MYH16: variants seen among roughly 807,000 people sequenced by gnomAD.
The protein encoded by MYH16 is myosin heavy chain 16, also known as putative uncharacterized protein MYH16.
Position 99,283,564 on chromosome 7 carries a change from G to T in MYH16, n.2993-1G>T, listed in dbSNP as rs1247287081. 10 of 455,876 alleles carry T rather than the reference G, an allele frequency of 2.2e-5. No homozygotes were observed. The highest frequency in any genetic ancestry group is 1.5e-4 in the South Asian group (10 of 64,538). 28.2% of individuals were successfully genotyped at this position (455,876 alleles called of 1,614,324 possible). A position where few individuals can be genotyped will look rare whatever the true frequency, so the allele number is the denominator to read the frequency against. ...ACTCACGTGTGTATCTGTCCTTCCA[G>T]AAAACCCTGGACGACCTACAGGCTG... is the stretch of plus-strand genomic sequence containing the variant. On this transcript the variant is annotated splice_acceptor_variant and non_coding_transcript_variant, in intron 23 of 41. Transcript: ENST00000439784.
chr7:99,240,687 C>T (rs1424246157), intron 1 of MYH16, among the ~76,000 whole-genome samples: 1 of 151,916 alleles, frequency 6.6e-6, no homozygotes, highest in Non-Finnish European at 1.5e-5. Context: ...CCCGTTTCTA[C>T]AAAAAATTAG....
At chr7:99,283,490 G>A (rs879790442) in intron 23 of MYH16, 75 bp from the exon 6 acceptor site, 35 of 448,294 alleles carry the variant, frequency 7.8e-5, no homozygotes, top group African/African-American at 5.4e-4. Flanking sequence ...GCTCAGAAGC[G>A]ACGACTGAGG....
chr7:99,281,547 G>A (rs144705988), intron 23 of MYH16, among the ~76,000 whole-genome samples: 1 of 152,140 alleles, frequency 6.6e-6, no homozygotes, highest in Non-Finnish European at 1.5e-5. Context: ...GGGTGACAGC[G>A]AGACCCTGTC....
intron 19 of MYH16, among the ~76,000 whole-genome samples, chr7:99,272,561 G>A (rs144144253): frequency 6.6e-5 from 10 of 151,980 alleles, no homozygotes; most frequent in African/African-American, 1.7e-4. Flanking sequence ...ACAGGAGATA[G>A]GGAGACCCCA....
chr7:99,303,611 G>A (rs1170757723), intron 39 of MYH16, among the ~76,000 whole-genome samples: 2 of 152,164 alleles, frequency 1.3e-5, no homozygotes, highest in African/African-American at 4.8e-5. Flanking sequence ...GACCAGCCTG[G>A]GCAACATAGC....
At chr7:99,247,538 GGGAAGAGGGTACCAGGA>G (rs1791747472) in intron 2 of MYH16, 2 of 154,316 alleles carry the variant, frequency 1.3e-5, no homozygotes, top group African/African-American at 4.8e-5. Context: ...ACTCCGCTGG[GGGAAGAGGGTACCAGGA>G]GGAAAAATCA....
chr7:99,248,353 C>T (rs1376950914), intron 3 of MYH16, among the ~76,000 whole-genome samples: 1 of 152,154 alleles, frequency 6.6e-6, no homozygotes, highest in Non-Finnish European at 1.5e-5. Context: ...CCACCCATCT[C>T]GGCCTCCCAA....
intron 38 of MYH16, among the ~76,000 whole-genome samples, chr7:99,302,083 C>T (rs1421021483): frequency 6.6e-6 from 1 of 151,840 alleles, no homozygotes; most frequent in African/African-American, 2.4e-5. Context: ...GTGGGCAGAT[C>T]ACCTGAGGTC....
chr7:99,247,999 C>A (rs1791754499), intron 3 of MYH16, among the ~76,000 whole-genome samples: 2 of 152,242 alleles, frequency 1.3e-5, no homozygotes, highest in South Asian at 4.1e-4. Context: ...GTTTCACAAA[C>A]CCGTGGGATG....
chr7:99,243,709 A>G (rs1791694828), intron 2 of MYH16, among the ~76,000 whole-genome samples: 1 of 151,982 alleles, frequency 6.6e-6, no homozygotes, highest in Non-Finnish European at 1.5e-5. Context: ...TCAAATCAAA[A>G]CATCATTTTT....
intron 1 of MYH16, among the ~76,000 whole-genome samples, chr7:99,242,283 T>C (rs1791676008): frequency 6.6e-6 from 1 of 152,186 alleles, no homozygotes; most frequent in African/African-American, 2.4e-5. Flanking sequence ...TTTCTTCTTT[T>C]CTTGCTTGCT....
intron 20 of MYH16, 137 bp from the exon 3 acceptor site, chr7:99,277,402 G>A (rs372585388): frequency 1.5e-4 from 50 of 338,954 alleles, no homozygotes; most frequent in African/African-American, 1.0e-3. Flanking sequence ...GACCCCACCC[G>A]CAGAGCTACA....
At chr7:99,305,158 C>A (rs1231667718) in intron 40 of MYH16, among the ~76,000 whole-genome samples, 1 of 151,840 alleles carries the variant, frequency 6.6e-6, no homozygotes, top group Non-Finnish European at 1.5e-5. Flanking sequence ...TACTGCACTT[C>A]AGCCTGGGTG....
intron 23 of MYH16, among the ~76,000 whole-genome samples, chr7:99,282,337 A>G (rs1199347009): frequency 1.3e-5 from 2 of 152,026 alleles, no homozygotes; most frequent in Non-Finnish European, 2.9e-5. Context: ...CACAGTGGTT[A>G]TGTTCTGTAA....
chr7:99,280,739 G>A (rs1249501310), intron 22 of MYH16, 137 bp from the exon 5 acceptor site: 2 of 143,094 alleles, frequency 1.4e-5, no homozygotes, highest in African/African-American at 6.7e-5. Flanking sequence ...TTCACCCCCA[G>A]GGTTCTGACT....
chr7:99,283,733 G>A (rs3173585), intron 24 of MYH16, 82 bp downstream of exon 6: 1 of 451,106 alleles, frequency 2.2e-6, no homozygotes, highest in East Asian at 7.0e-5. Context: ...TTAGTTTTGA[G>A]AACTGGACCA....
At chr7:99,246,718 A>T (rs1372641647) in intron 2 of MYH16, among the ~76,000 whole-genome samples, 4 of 151,776 alleles carry the variant, frequency 2.6e-5, no homozygotes, top group South Asian at 2.1e-4. Flanking sequence ...ATATATAAAT[A>T]AAAAAAACCA....
intron 10 of MYH16, among the ~76,000 whole-genome samples, chr7:99,257,948 C>T (rs961246589): frequency 8.5e-5 from 13 of 152,148 alleles, no homozygotes; most frequent in Non-Finnish European, 1.6e-4. Flanking sequence ...TGCCCAGCTG[C>T]CACCTGACCT....
exon 29 of MYH16, chr7:99,287,905 G>A (rs774502533): frequency 2.9e-5 from 13 of 455,534 alleles, no homozygotes; most frequent in Middle Eastern, 4.3e-4. Flanking sequence ...GAGCAGAACC[G>A]CAAGCGGGAG....
Sources: allele counts gnomAD v4.1 joint callset (sites outside exome capture counted in the v4.1 genomes callset), GRCh38; gene constraint gnomAD v4.1.1; transcripts MANE v1.5; gene names NCBI Gene and HGNC (gene_info 2026-07-23, HGNC 2026-07-21).